The following PTPRN2 variants were observed in gnomAD, a reference collection of about 807,000 sequenced individuals.
PTPRN2 encodes the protein protein tyrosine phosphatase receptor type N2.
A neutral mutation model predicts 118.8 loss-of-function variants in PTPRN2; 74 were observed. The ratio of observed to expected loss-of-function variants is 0.62; its 90% CI spans 0.52 to 0.76. The LOEUF is 0.76. PTPRN2 is among the 30% of genes least tolerant of loss of function. The pLI is 0.00. For missense variants in PTPRN2, 1,481 were observed against 1,394.4 expected (o/e 1.06, Z -0.99); for synonymous variants, 641 against 608.0 (o/e 1.05, Z -0.80).
Position 158,317,048 on chromosome 7 carries a change from G to T in PTPRN2, c.164-116C>A, listed in dbSNP as rs568155445. The T allele has an allele frequency of 1.3e-4, 93 of 732,520 alleles. No individual in the cohort carries two copies. The African/African-American group carries it at 1.5e-3, about 12-fold the overall frequency. 45.4% of individuals were successfully genotyped at this position (732,520 alleles called of 1,614,324 possible). Reference sequence around the variant, plus strand: ...TCATGTGCCGCCGTGAGGTTTTGGAGCACGGCGTCACCAGAGGGCTGTTAG... The same window carrying T: ...TCATGTGCCGCCGTGAGGTTTTGGATCACGGCGTCACCAGAGGGCTGTTAG... On this transcript the variant is annotated intron_variant, in intron 2 of 22. Transcript: ENST00000389418.
chr7:158,287,411 G>C (rs941031348), intron 3 of PTPRN2, among the ~76,000 whole-genome samples: 1 of 151,916 alleles, frequency 6.6e-6, no homozygotes, highest in Non-Finnish European at 1.5e-5. Context: ...GTAATATTAG[G>C]TTGTTTATTT....
intron 2 of PTPRN2, among the ~76,000 whole-genome samples, chr7:158,483,427 AG>A (rs1220432312): frequency 1.3e-5 from 2 of 152,250 alleles, no homozygotes; most frequent in Non-Finnish European, 1.5e-5. Flanking sequence ...AAATCCAAAT[AG>A]GGTTAATCAC....
At chr7:158,132,433 CACAT>C (rs1234041869) in intron 9 of PTPRN2, among the ~76,000 whole-genome samples, 2 of 147,966 alleles carry the variant, frequency 1.4e-5, no homozygotes, top group Non-Finnish European at 3.0e-5. Context: ...CACTCATACA[CACAT>C]ACATATGCAC....
At chr7:157,816,865 C>A (rs1279046468) in intron 12 of PTPRN2, among the ~76,000 whole-genome samples, 1 of 152,232 alleles carries the variant, frequency 6.6e-6, no homozygotes, top group African/African-American at 2.4e-5. Context: ...CCCTCCCTTT[C>A]TCCTCCTCTT....
chr7:157,875,630 G>A (rs1212988289), intron 12 of PTPRN2, among the ~76,000 whole-genome samples: 4 of 152,200 alleles, frequency 2.6e-5, no homozygotes, highest in African/African-American at 9.6e-5. Flanking sequence ...GCCATGGCCT[G>A]TGCAGGAGGC....
Position 158,276,864 on chromosome 7 carries a change from C to T in PTPRN2, c.277+39955G>A, listed in dbSNP as rs759599059. Among the ~76,000 whole-genome samples, 8 of 152,150 alleles carry T rather than the reference C, an allele frequency of 5.3e-5. No individual in the cohort carries two copies. The South Asian group carries it at 6.2e-4, about 12-fold the overall frequency. The stretch of plus-strand genomic sequence containing the variant: ...GTAGTGGAGGCAGGGGCGGAGGGTG[C>T]GAGGCATGCCACTGTGAGCTGGGGC... On this transcript the variant is annotated intron_variant, in intron 3 of 22. Transcript: ENST00000389418.
At chr7:158,061,473 G>A (rs967278184) in intron 11 of PTPRN2, among the ~76,000 whole-genome samples, 7 of 152,130 alleles carry the variant, frequency 4.6e-5, no homozygotes, top group East Asian at 1.9e-4. Context: ...GAAATGGACC[G>A]TGCCGCCAAT....
chr7:157,701,224 C>T (rs1054750783), intron 12 of PTPRN2, among the ~76,000 whole-genome samples: 2 of 152,110 alleles, frequency 1.3e-5, no homozygotes, highest in African/African-American at 4.8e-5. Flanking sequence ...AACACACAGG[C>T]TCCTATGCGA....
At chr7:158,518,093 T>G (rs1047044004) in intron 1 of PTPRN2, among the ~76,000 whole-genome samples, 4 of 152,084 alleles carry the variant, frequency 2.6e-5, no homozygotes, top group African/African-American at 9.7e-5. Context: ...TAAAAGAAAA[T>G]AGACTCCAGG....
At chr7:158,542,665 T>G (rs1414845093) in intron 1 of PTPRN2, among the ~76,000 whole-genome samples, 1 of 152,240 alleles carries the variant, frequency 6.6e-6, no homozygotes, top group Admixed American at 6.5e-5. Flanking sequence ...TGTCAAAAAC[T>G]CTGCAAGCAA....
chr7:158,127,089 G>A (rs1817751487), intron 9 of PTPRN2, among the ~76,000 whole-genome samples: 2 of 152,192 alleles, frequency 1.3e-5, no homozygotes, highest in Admixed American at 6.5e-5. Context: ...TCCCTTGTTA[G>A]CATTGAGAGG....
Position 158,570,730 on chromosome 7 carries a change from C to T in PTPRN2, c.112+16828G>A, listed in dbSNP as rs775111724. On this transcript the variant is annotated intron_variant, in intron 1 of 22. Transcript: ENST00000389418. The surrounding 1 kb of genome is among the most constrained non-coding windows in gnomAD (Gnocchi z 4.5). The stretch of plus-strand genomic sequence containing the variant: ...GCAACGCCGAGAGCCCGCGGAGAAG[C>T]TTGAGCCTGTGAGCCCCCGTCTCCG... Among the ~76,000 whole-genome samples, 10 of 152,230 alleles carry T rather than the reference C, an allele frequency of 6.6e-5. No homozygotes were observed. The highest frequency in any genetic ancestry group is 1.2e-4 in the Non-Finnish European group (8 of 68,046).
intron 2 of PTPRN2, among the ~76,000 whole-genome samples, chr7:158,446,440 C>G (rs1817730306): frequency 6.6e-6 from 1 of 152,014 alleles, no homozygotes; most frequent in South Asian, 2.1e-4. Context: ...CCCACCCAAG[C>G]CACAGCTGCC....
At chr7:157,744,049 G>A (rs977661740) in intron 12 of PTPRN2, among the ~76,000 whole-genome samples, 1 of 152,256 alleles carries the variant, frequency 6.6e-6, no homozygotes, top group Non-Finnish European at 1.5e-5. Flanking sequence ...GCTTAGAAGA[G>A]CTAATGCTTG....
intron 12 of PTPRN2, among the ~76,000 whole-genome samples, chr7:157,744,135 C>T (rs1176520741): frequency 6.6e-6 from 1 of 152,210 alleles, no homozygotes; most frequent in African/African-American, 2.4e-5. Flanking sequence ...TGAGGTGCTA[C>T]TACGTGCTAG....
At chr7:158,460,616 GTC>G (rs1818915833) in intron 2 of PTPRN2, among the ~76,000 whole-genome samples, 5 of 151,992 alleles carry the variant, frequency 3.3e-5, no homozygotes, top group Admixed American at 1.3e-4. Flanking sequence ...GCTGTGTGCC[GTC>G]AGCACAGGAG....
chr7:158,180,107 C>A (rs911752129), intron 5 of PTPRN2, among the ~76,000 whole-genome samples: 23 of 152,248 alleles, frequency 1.5e-4, no homozygotes, highest in Non-Finnish European at 2.9e-5. Flanking sequence ...CTTTCCTGGG[C>A]AAAGCCAAGA....
At chr7:158,342,360 C>A (rs1311221469) in intron 2 of PTPRN2, among the ~76,000 whole-genome samples, 1 of 145,338 alleles carries the variant, frequency 6.9e-6, no homozygotes, top group East Asian at 2.1e-4. Context: ...GTCACTCACA[C>A]CCACACTCTC....
At chr7:157,827,821 G>T (rs1807288640) in intron 12 of PTPRN2, among the ~76,000 whole-genome samples, 1 of 152,244 alleles carries the variant, frequency 6.6e-6, no homozygotes. Context: ...TTTGACTCAG[G>T]GACGGCCACC....
Sources: gnomAD v4.1 joint callset for allele counts (sites outside exome capture counted in the v4.1 genomes callset) on GRCh38, gnomAD v4.1.1 for gene constraint, Gnocchi (gnomAD v3.1) non-coding constraint, MANE v1.5 for transcripts, NCBI Gene and HGNC (gene_info 2026-07-23, HGNC 2026-07-21) for gene names.